Variants in NBPF11 observed in about 807,000 individuals in gnomAD.
NBPF11 encodes NBPF family member NBPF11.
Under a neutral mutation model 93.9 loss-of-function variants are expected in NBPF11, and 72 were observed. That is an observed-to-expected ratio of 0.77 (90% CI 0.63 to 0.93). The LOEUF (loss-of-function observed/expected upper bound fraction) is 0.93. Ranked by LOEUF, NBPF11 falls within the 40% of genes least tolerant of loss-of-function variation. The pLI, the probability that NBPF11 is intolerant of heterozygous loss-of-function variation, is 0.00. For missense variants in NBPF11, 705 were observed against 802.2 expected (o/e 0.88, Z 1.46); for synonymous variants, 224 against 304.9 (o/e 0.73, Z 2.76).
intron 2 of NBPF11, among the ~76,000 whole-genome samples, chr1:148,140,200 G>A (rs1166729058): frequency 6.6e-6 from 1 of 152,026 alleles, no homozygotes. Flanking sequence ...TTTCCAACTA[G>A]TGGTGCTAGA....
chr1:148,117,246 C>T (rs1383311361), intron 12 of NBPF11, among the ~76,000 whole-genome samples: 1 of 149,640 alleles, frequency 6.7e-6, no homozygotes, highest in African/African-American at 2.5e-5. Flanking sequence ...GCCTGGGAAC[C>T]TTCATTCTTA....
intron 2 of NBPF11, among the ~76,000 whole-genome samples, chr1:148,140,087 A>T (rs3950943): frequency 1.3e-5 from 2 of 151,968 alleles, no homozygotes; most frequent in East Asian, 1.9e-4. Context: ...AACACACACA[A>T]ATAGATGCAT....
In NBPF11 at chr1:148,103,455, A is replaced by G. The variant is rs1432598194; in HGVS notation, c.*441T>C. 9.4e-6 allele frequency: 7 copies of G among 745,284 alleles called. No individual in the cohort carries two copies. 46.2% of individuals were successfully genotyped at this position (745,284 alleles called of 1,614,324 possible). ...ACTGATCACTCCCGGCATGTGCTGC[A>G]CAGTTATGTGAACGTGTCACACCTA... On this transcript the variant is annotated 3_prime_UTR_variant, in exon 24 of 24. Transcript: ENST00000682118.
Position 148,106,926 on chromosome 1 carries a change from A to C in NBPF11, c.2251+16T>G. The C allele has an allele frequency of 4.3e-6, 3 of 691,194 alleles. No homozygotes were observed. Among genetic ancestry groups the C allele is most frequent in the South Asian group, 3.0e-5 (2 of 66,554 alleles). 42.8% of individuals were successfully genotyped at this position (691,194 alleles called of 1,614,324 possible). On this transcript the variant is annotated intron_variant, in intron 20 of 23. Transcript: ENST00000682118. ...GGCCAGGTGGAGGCTTATCACCTTC[A>C]TAGTAAGGTACTCACTGTCCACGTC...
intron 9 of NBPF11, 150 bp from the exon 10 acceptor site, chr1:148,120,860 T>A (rs1667657547): frequency 2.8e-6 from 2 of 708,648 alleles, no homozygotes; most frequent in Non-Finnish European, 2.6e-6. Context: ...CCAGTCTTGA[T>A]CTCCTTTAAG....
At chr1:148,134,301 T>C (rs2795745) in intron 4 of NBPF11, among the ~76,000 whole-genome samples, 11 of 151,782 alleles carry the variant, frequency 7.2e-5, no homozygotes, top group Middle Eastern at 3.4e-3. Context: ...GCAGCTATTG[T>C]CAGATACTCA....
chr1:148,107,430 G>T (rs1257533218), intron 19 of NBPF11, among the ~76,000 whole-genome samples: 3 of 151,170 alleles, frequency 2.0e-5, no homozygotes, highest in Non-Finnish European at 4.5e-5. Context: ...CAGTGATCAT[G>T]AAAAGAGTGG....
chr1:148,150,086 C>A (rs1234026252), intron 1 of NBPF11, among the ~76,000 whole-genome samples: 1 of 151,660 alleles, frequency 6.6e-6, no homozygotes, highest in Non-Finnish European at 1.5e-5. Context: ...TACATATATA[C>A]CCCAATATAG....
chr1:148,106,819 A>G (rs1329549836), intron 20 of NBPF11, 123 bp downstream of exon 20: 13 of 750,238 alleles, frequency 1.7e-5, no homozygotes, highest in South Asian at 2.8e-5. Context: ...ACCTATATGC[A>G]CCCATAGGTC....
intron 1 of NBPF11, among the ~76,000 whole-genome samples, chr1:148,144,172 A>T (rs1303673716): frequency 6.7e-6 from 1 of 149,784 alleles, no homozygotes; most frequent in Non-Finnish European, 1.5e-5. Context: ...GGGCGTAGTT[A>T]ATGCTTCTTT....
chr1:148,111,718 GA>G (rs1665320914), intron 15 of NBPF11, among the ~76,000 whole-genome samples: 1 of 151,724 alleles, frequency 6.6e-6, no homozygotes, highest in Non-Finnish European at 1.5e-5. Context: ...AGAGTAAAAA[GA>G]AATGAACAAG....
intron 1 of NBPF11, chr1:148,149,445 C>T (rs1647697056): frequency 1.9e-6 from 3 of 1,586,652 alleles, no homozygotes; most frequent in African/African-American, 2.7e-5. Flanking sequence ...GAGCGCTGCC[C>T]CAAGGCGGTG....
intron 23 of NBPF11, 115 bp downstream of exon 23, chr1:148,104,422 T>A: frequency 1.6e-6 from 1 of 629,238 alleles, no homozygotes; most frequent in Non-Finnish European, 2.8e-6. Context: ...ACAATGACAG[T>A]AGGAGTAATT....
At chr1:148,107,334 A>C (rs1302367040) in intron 19 of NBPF11, among the ~76,000 whole-genome samples, 1 of 150,508 alleles carries the variant, frequency 6.6e-6, no homozygotes, top group Non-Finnish European at 1.5e-5. Flanking sequence ...GAGAGGAGAA[A>C]GTGAGCTCAG....
Position 148,146,584 on chromosome 1 carries a change from G to A in NBPF11, c.-548-2898C>T, listed in dbSNP as rs1297124784. 1.9e-5 allele frequency: 31 copies of A among 1,608,278 alleles called. 1 individual carries two copies. The African/African-American group carries it at 3.5e-4, about 18-fold the overall frequency. On this transcript the variant is annotated intron_variant, in intron 1 of 23. Transcript: ENST00000682118. ...CCTGAGAGCCTCCTCGGGCGCACCC[G>A]GGCGCTGGAAGCTGCACCTGACGGA...
At chr1:148,151,113 A>C in intron 1 of NBPF11, among the ~76,000 whole-genome samples, 1 of 152,084 alleles carries the variant, frequency 6.6e-6, no homozygotes, top group Non-Finnish European at 1.5e-5. Context: ...GCCTCAAAGA[A>C]AGACAGACAG....
At chr1:148,142,635 C>G (rs1381322070) in intron 2 of NBPF11, among the ~76,000 whole-genome samples, 9 of 152,100 alleles carry the variant, frequency 5.9e-5, no homozygotes, top group Non-Finnish European at 1.0e-4. Context: ...ACAGGCCATG[C>G]CCCTTTCTTT....
At chr1:148,123,244 G>A (rs1241011328) in intron 7 of NBPF11, among the ~76,000 whole-genome samples, 1 of 152,066 alleles carries the variant, frequency 6.6e-6, no homozygotes, top group Non-Finnish European at 1.5e-5. Flanking sequence ...TGTGGCTTCT[G>A]CTGTGTTATT....
chr1:148,115,096 C>A (rs1264281477), intron 14 of NBPF11, among the ~76,000 whole-genome samples: 2 of 110,236 alleles, frequency 1.8e-5, no homozygotes, highest in African/African-American at 7.8e-5. Context: ...ATCTGGGAGG[C>A]AGAGGTTGCA....
Sources: gnomAD v4.1 joint callset for allele counts (sites outside exome capture counted in the v4.1 genomes callset) on GRCh38, gnomAD v4.1.1 for gene constraint, MANE v1.5 for transcripts, NCBI Gene and HGNC (gene_info 2026-07-23, HGNC 2026-07-21) for gene names.